Variants in HDAC9 observed in about 807,000 individuals in gnomAD.
HDAC9 encodes histone deacetylase 9, also known as MEF-2 interacting transcription repressor (MITR) protein.
A neutral mutation model predicts 139.4 loss-of-function variants in HDAC9; 41 were observed. The ratio of observed to expected loss-of-function variants is 0.29; its 90% confidence interval spans 0.23 to 0.38. The LOEUF (loss-of-function observed/expected upper bound fraction) is 0.38, where lower values mean the gene tolerates loss of function less well. HDAC9 is among the 10% of genes least tolerant of loss of function. The probability of loss-of-function intolerance (pLI) is 1.00; values close to 1 mark genes in which losing one functional copy is unlikely to be tolerated. For missense variants in HDAC9, 1,147 were observed against 1,297.0 expected, an observed-to-expected ratio of 0.88 and a Z score of 1.78; for synonymous variants, 517 against 476.2, an observed-to-expected ratio of 1.09 and a Z score of -1.12.
intron 1 of HDAC9, among the ~76,000 whole-genome samples, chr7:18,101,919 G>A (rs1782883905): frequency 6.6e-6 from 1 of 152,168 alleles, no homozygotes; most frequent in Non-Finnish European, 1.5e-5. Flanking sequence ...AAATGTGAAT[G>A]ATCATAAAAC....
chr7:18,257,675 G>A (rs1359957825), intron 2 of HDAC9, among the ~76,000 whole-genome samples: 1 of 152,172 alleles, frequency 6.6e-6, no homozygotes, highest in Non-Finnish European at 1.5e-5. Flanking sequence ...ACTCTAGGCA[G>A]AAATAAATCT....
chr7:18,449,225 T>C (rs1562998710), intron 1 of HDAC9, among the ~76,000 whole-genome samples: 1 of 152,116 alleles, frequency 6.6e-6, no homozygotes, highest in East Asian at 1.9e-4. Flanking sequence ...GTGAGAGCAA[T>C]GTGCCTCAAA....
chr7:18,396,789 T>G (rs1340440262), intron 1 of HDAC9, among the ~76,000 whole-genome samples: 1 of 152,166 alleles, frequency 6.6e-6, no homozygotes, highest in Non-Finnish European at 1.5e-5. Context: ...ATACTTCAGT[T>G]AGCATGTTTA....
At position 18,196,755 on chromosome 7, in the gene HDAC9, A is replaced by G. The variant is rs1182039954; in HGVS notation, c.25+34406A>G. 3.9e-5 allele frequency among the ~76,000 whole-genome samples: 6 copies of G among 152,304 alleles called. No individual in the cohort carries two copies. The East Asian group carries it at 1.2e-3, about 29-fold the overall frequency. On this transcript the variant is annotated intron_variant, in intron 2 of 12. Coordinates refer to the HDAC9 transcript ENST00000417496. ...GTGATGCCTGAACTAAAAAGGGTGT[A>G]GGGGTGTGGGGCTGAGTTGTTTTAC...
intron 12 of HDAC9, among the ~76,000 whole-genome samples, chr7:18,714,676 G>A (rs377352150): frequency 6.6e-6 from 1 of 152,136 alleles, no homozygotes; most frequent in African/African-American, 2.4e-5. Context: ...TCATCTCTTG[G>A]CTCAGAGGAG....
At chr7:18,383,718 TAAA>T (rs79484446) in intron 1 of HDAC9, among the ~76,000 whole-genome samples, 1 of 141,768 alleles carries the variant, frequency 7.1e-6, no homozygotes. Flanking sequence ...CCGTCTCTAC[TAAA>T]AAAAAAAAAA....
chr7:18,522,943 G>A (rs1257329183), intron 2 of HDAC9, among the ~76,000 whole-genome samples: 1 of 152,222 alleles, frequency 6.6e-6, no homozygotes, highest in African/African-American at 2.4e-5. Context: ...ATGATGTAGT[G>A]TCTTGCTTCC....
At position 18,828,758 on chromosome 7, in the gene HDAC9, C is replaced by G. The variant is rs545149196; in HGVS notation, c.2323-403C>G. ...TTAAAGAATTTTCACTTTGGATCTT[C>G]TCTGGTCTTTCCAAACTTTGACCCA... On this transcript the variant is annotated intron_variant, in intron 17 of 25. Coordinates refer to ENST00000686413, the MANE Select transcript of HDAC9 (RefSeq NM_178425.4). 1.1e-4 allele frequency among the ~76,000 whole-genome samples: 17 copies of G among 152,272 alleles called. No homozygotes were observed. The East Asian group carries it at 3.3e-3, about 29-fold the overall frequency.
chr7:18,727,362 C>G (rs1238652771), intron 12 of HDAC9, among the ~76,000 whole-genome samples: 4 of 152,254 alleles, frequency 2.6e-5, no homozygotes, highest in Non-Finnish European at 4.4e-5. Context: ...CTTAGCCAGG[C>G]AGACAGGCCC....
At chr7:18,144,649 A>G (rs551273502) in intron 1 of HDAC9, among the ~76,000 whole-genome samples, 1 of 152,130 alleles carries the variant, frequency 6.6e-6, no homozygotes, top group East Asian at 1.9e-4. Flanking sequence ...ACTCTTGTTT[A>G]AGCCTCTGAA....
chr7:18,589,099 A>G (rs529548040), intron 3 of HDAC9, among the ~76,000 whole-genome samples: 1 of 152,306 alleles, frequency 6.6e-6, no homozygotes, highest in African/African-American at 2.4e-5. Context: ...TCCGGATTTC[A>G]TATCTACTAA....
intron 2 of HDAC9, among the ~76,000 whole-genome samples, chr7:18,550,019 CTTTA>C (rs1160526738): frequency 6.7e-6 from 1 of 148,828 alleles, no homozygotes; most frequent in Non-Finnish European, 1.5e-5. Flanking sequence ...GAAAGGCATT[CTTTA>C]TTTTTTTTTT....
chr7:18,553,575 C>T (rs801760), intron 2 of HDAC9, among the ~76,000 whole-genome samples: 7,140 of 152,226 alleles, frequency 0.047, 254 homozygotes, highest in East Asian at 0.11. Context: ...TGTTAAGCTT[C>T]GAAAGATTCT....
intron 1 of HDAC9, among the ~76,000 whole-genome samples, chr7:18,115,889 G>A (rs1783944931): frequency 6.6e-6 from 1 of 152,194 alleles, no homozygotes; most frequent in Non-Finnish European, 1.5e-5. Flanking sequence ...GCAGCTTCCA[G>A]GGCTAACCTG....
At chr7:18,773,961 C>T (rs1790537621) in intron 16 of HDAC9, among the ~76,000 whole-genome samples, 1 of 151,690 alleles carries the variant, frequency 6.6e-6, no homozygotes, top group African/African-American at 2.4e-5. Context: ...TAAAGCATAA[C>T]TTCTAAACTT....
intron 6 of HDAC9, among the ~76,000 whole-genome samples, chr7:18,628,814 C>A (rs550249783): frequency 4.1e-4 from 63 of 152,092 alleles, no homozygotes; most frequent in Non-Finnish European, 7.2e-4. Context: ...GTATGTTTCC[C>A]CAAGGTTTTA....
At chr7:18,150,099 A>C (rs998213334) in intron 1 of HDAC9, among the ~76,000 whole-genome samples, 14 of 147,916 alleles carry the variant, frequency 9.5e-5, no homozygotes, top group African/African-American at 3.2e-4. Context: ...TTTTAAGTGC[A>C]CAAATATTTT....
At chr7:18,507,465 T>C (rs1800160974) in intron 2 of HDAC9, among the ~76,000 whole-genome samples, 1 of 151,360 alleles carries the variant, frequency 6.6e-6, no homozygotes, top group Non-Finnish European at 1.5e-5. Flanking sequence ...AGTGCTGGAA[T>C]TACAGGCGTG....
chr7:18,625,711 G>A lies in HDAC9; in HGVS notation c.665-3639G>A, dbSNP rs775256158. 5.3e-5 allele frequency among the ~76,000 whole-genome samples: 8 copies of A among 152,108 alleles called. No individual in the cohort carries two copies. In the South Asian group the frequency reaches 8.3e-4, roughly 16 times the overall value. On this transcript the variant is annotated intron_variant, in intron 6 of 25. Transcript: ENST00000686413. ...TGTAATCCCAGCACTTTGGGAGGCC[G>A]AGGCGAGTGGATCACCTGAGGTCAG...
Sources: gnomAD v4.1 joint callset for allele counts (sites outside exome capture counted in the v4.1 genomes callset) on GRCh38, gnomAD v4.1.1 for gene constraint, MANE v1.5 for transcripts, NCBI Gene and HGNC (gene_info 2026-07-23, HGNC 2026-07-21) for gene names.